Variants in TTC27 observed in about 807,000 individuals in gnomAD.
TTC27 encodes the protein tetratricopeptide repeat domain 27.
TTC27 carries 79 observed loss-of-function variants against 115.9 expected under a neutral mutation model. The observed-to-expected ratio is 0.68, with a 90% CI of 0.57 to 0.82. The LOEUF is 0.82. Among genes scored for constraint, TTC27 ranks in the 40% least tolerant of loss-of-function variants. The pLI, the probability that TTC27 is intolerant of heterozygous loss-of-function variation, is 0.00. For synonymous variants in TTC27, 401 were observed against 356.0 expected (o/e 1.13, Z -1.42); for missense variants, 1,054 against 993.1 (o/e 1.06, Z -0.82).
At chr2:32,782,111 TA>T (rs1230674231) in intron 14 of TTC27, among the ~76,000 whole-genome samples, 10 of 152,176 alleles carry the variant, frequency 6.6e-5, no homozygotes, top group Non-Finnish European at 1.5e-4. Context: ...TAAGCTGATT[TA>T]AAAAAACATT....
intron 5 of TTC27, among the ~76,000 whole-genome samples, chr2:32,654,123 C>T (rs756825730): frequency 1.2e-4 from 19 of 152,116 alleles, no homozygotes; most frequent in African/African-American, 2.2e-4. Flanking sequence ...AATCATTTTA[C>T]GAAGAATTGA....
At chr2:32,744,186 A>G (rs1668741717) in intron 12 of TTC27, among the ~76,000 whole-genome samples, 1 of 152,216 alleles carries the variant, frequency 6.6e-6, no homozygotes, top group Admixed American at 6.5e-5. Flanking sequence ...CAGCTACATA[A>G]TTCTTTCTCT....
At chr2:32,733,764 A>G (rs1240587810) in intron 10 of TTC27, 64 bp from the exon 11 acceptor site, 8 of 1,015,412 alleles carry the variant, frequency 7.9e-6, no homozygotes, top group Non-Finnish European at 8.6e-6. Context: ...AACTATTACA[A>G]TAAGGACTTA....
chr2:32,643,430 C>G (rs1664731619), intron 4 of TTC27, among the ~76,000 whole-genome samples: 1 of 151,996 alleles, frequency 6.6e-6, no homozygotes, highest in Non-Finnish European at 1.5e-5. Flanking sequence ...CTCAGCCTCC[C>G]TAGTAGCTTG....
At chr2:32,727,408 CAG>C (rs1173820517) in intron 10 of TTC27, among the ~76,000 whole-genome samples, 53 of 152,154 alleles carry the variant, frequency 3.5e-4, no homozygotes, top group Admixed American at 3.4e-3. Context: ...TTTATTATAA[CAG>C]AGTATTTAAT....
chr2:32,628,918 G>T (rs2063535699), intron 1 of TTC27, among the ~76,000 whole-genome samples: 1 of 151,334 alleles, frequency 6.6e-6, no homozygotes, highest in African/African-American at 2.4e-5. Context: ...GCGCCACCAC[G>T]CCCGGCTAAT....
chr2:32,723,245 T>C (rs1218777574), intron 10 of TTC27, among the ~76,000 whole-genome samples: 1 of 152,174 alleles, frequency 6.6e-6, no homozygotes, highest in Non-Finnish European at 1.5e-5. Flanking sequence ...ATTCATGCTT[T>C]AGTTTTCCCT....
chr2:32,817,413 T>G lies in TTC27; in HGVS notation c.2309-44T>G, dbSNP rs376942804. 9.2e-6 allele frequency: 14 copies of G among 1,518,404 alleles called. No individual in the cohort carries two copies. The African/African-American group carries it at 1.9e-4, about 21-fold the overall frequency. 94.1% of individuals were successfully genotyped at this position (1,518,404 alleles called of 1,614,324 possible). A position where few individuals can be genotyped will look rare whatever the true frequency, so the allele number is the denominator to read the frequency against. On this transcript the variant is annotated intron_variant, in intron 18 of 19. Transcript: ENST00000317907. The stretch of plus-strand genomic sequence containing the variant: ...TGGCTTTTGTACCTGTGAATTATTA[T>G]TAACACTTTTTAATGGATGTTTCTC...
rs759914773 is a variant in TTC27, at chr2:32,777,957, C to T, written c.1756C>T (p.Arg586Cys). The change falls in exon 14 of 20, where the codon CGC becomes TGC. Residue 586 changes from arginine to cysteine, a missense_variant. Transcript: ENST00000317907. ...TCAAGGTTCAGCAAAGGCATTTCAG[C>T]GCTGTGTGACTCTAGAACCCGATGT... ...DYQGSAKAFQ[R>C]CVTLEPDNAE... 2.1e-5 allele frequency: 34 copies of T among 1,613,808 alleles called. No homozygotes were observed. The highest frequency in any genetic ancestry group is 4.5e-5 in the East Asian group (2 of 44,864).
At chr2:32,702,636 G>C (rs1484273344) in intron 9 of TTC27, among the ~76,000 whole-genome samples, 171 bp from the exon 10 acceptor site, 1 of 152,146 alleles carries the variant, frequency 6.6e-6, no homozygotes, top group Non-Finnish European at 1.5e-5. Context: ...GTTTTAGAAT[G>C]ATTTCTGTAA....
chr2:32,788,841 A>C (rs1268014507), intron 16 of TTC27, among the ~76,000 whole-genome samples: 1 of 152,150 alleles, frequency 6.6e-6, no homozygotes, highest in Non-Finnish European at 1.5e-5. Flanking sequence ...CATGAAAGGA[A>C]GTGGCTTTTC....
At chr2:32,780,037 C>G (rs1342191040) in intron 14 of TTC27, 2 of 448,640 alleles carry the variant, frequency 4.5e-6, no homozygotes, top group East Asian at 7.0e-5. Flanking sequence ...CTGTATGTCA[C>G]ATTTCATTGA....
At chr2:32,681,222 G>A (rs769933811) in intron 9 of TTC27, among the ~76,000 whole-genome samples, 4 of 152,156 alleles carry the variant, frequency 2.6e-5, no homozygotes, top group Non-Finnish European at 5.9e-5. Flanking sequence ...GAGAAGTAGG[G>A]CAAGAAACTT....
At chr2:32,719,200 G>C (rs562180303) in intron 10 of TTC27, among the ~76,000 whole-genome samples, 2 of 152,338 alleles carry the variant, frequency 1.3e-5, no homozygotes, top group South Asian at 4.1e-4. Flanking sequence ...TCCAACAGAT[G>C]AAGCTGTGCA....
intron 16 of TTC27, among the ~76,000 whole-genome samples, chr2:32,791,904 A>T (rs896940032): frequency 3.3e-5 from 5 of 152,128 alleles, no homozygotes; most frequent in African/African-American, 1.2e-4. Flanking sequence ...TAACAAAATA[A>T]AAAAATAATT....
intron 14 of TTC27, 125 bp downstream of exon 14, chr2:32,778,105 C>T (rs769086493): frequency 1.3e-5 from 10 of 756,718 alleles, no homozygotes; most frequent in East Asian, 8.2e-5. Context: ...GAGGGAAGGT[C>T]GTACCTCAAG....
chr2:32,749,347 A>G (rs1182241501), intron 12 of TTC27, among the ~76,000 whole-genome samples: 1 of 152,194 alleles, frequency 6.6e-6, no homozygotes, highest in Non-Finnish European at 1.5e-5. Flanking sequence ...TTTCAAACCC[A>G]TTCTGCCCCC....
chr2:32,799,945 T>C (rs1270841618), intron 16 of TTC27, among the ~76,000 whole-genome samples: 1 of 152,174 alleles, frequency 6.6e-6, no homozygotes, highest in Non-Finnish European at 1.5e-5. Flanking sequence ...GGATGTGTTG[T>C]AGGGAAGAGC....
At chr2:32,666,874 T>C in intron 7 of TTC27, 106 bp downstream of exon 7, 1 of 1,315,404 alleles carries the variant, frequency 7.6e-7, no homozygotes, top group Non-Finnish European at 1.0e-6. Context: ...GACTTCATTT[T>C]ATTCTTTCTT....
Sources: gnomAD v4.1 joint callset for allele counts (sites outside exome capture counted in the v4.1 genomes callset) on GRCh38, gnomAD v4.1.1 for gene constraint, MANE v1.5 for transcripts, NCBI Gene and HGNC (gene_info 2026-07-23, HGNC 2026-07-21) for gene names.